Variants in SGMS1 observed in about 807,000 individuals in gnomAD.
SGMS1 encodes the protein sphingomyelin synthase 1.
A neutral mutation model predicts 46.2 loss-of-function variants in SGMS1; 13 were observed. The observed-to-expected ratio is 0.28, with a 90% CI of 0.18 to 0.45. The LOEUF (loss-of-function observed/expected upper bound fraction) is 0.45. Among genes scored for constraint, SGMS1 ranks in the 20% least tolerant of loss-of-function variants. The pLI is 1.00. For missense variants in SGMS1, 324 were observed against 519.9 expected (o/e 0.62, Z 3.66); for synonymous variants, 203 against 187.8 (o/e 1.08, Z -0.66).
At chr10:50,580,424 A>ACCCC (rs113101457) in intron 2 of SGMS1, among the ~76,000 whole-genome samples, 124 of 148,078 alleles carry the variant, frequency 8.4e-4, no homozygotes, top group African/African-American at 3.0e-3. Flanking sequence ...CAAGTTAGGG[A>ACCCC]CCCCCCCCCA....
chr10:50,438,256 A>G (rs1203406), intron 5 of SGMS1, among the ~76,000 whole-genome samples: 79,982 of 152,052 alleles, frequency 0.53, 21,499 homozygotes, highest in Non-Finnish European at 0.59. Context: ...AGCCAATAGA[A>G]TAAGGCAAAA....
chr10:50,543,316 T>A (rs1838072437), intron 2 of SGMS1, among the ~76,000 whole-genome samples: 1 of 152,174 alleles, frequency 6.6e-6, no homozygotes. Context: ...GCAGGGCACT[T>A]TAACACATCC....
chr10:50,438,834 T>C (rs1170696378), intron 5 of SGMS1, among the ~76,000 whole-genome samples: 1 of 152,144 alleles, frequency 6.6e-6, no homozygotes, highest in Non-Finnish European at 1.5e-5. Flanking sequence ...CCCTTAACAC[T>C]CCATCCTATT....
At chr10:50,322,925 A>G (rs1053226814) in intron 8 of SGMS1, among the ~76,000 whole-genome samples, 3 of 151,910 alleles carry the variant, frequency 2.0e-5, no homozygotes, top group Non-Finnish European at 4.4e-5. Flanking sequence ...TGAGAGTAAC[A>G]TGGGCTAATC....
intron 1 of SGMS1, among the ~76,000 whole-genome samples, chr10:50,621,394 C>T (rs13376734): frequency 0.25 from 37,754 of 152,000 alleles, 5,596 homozygotes; most frequent in African/African-American, 0.4. Context: ...TCATGTCTTA[C>T]GAAAACATAA....
chr10:50,356,793 C>T (rs1848156996), intron 6 of SGMS1, among the ~76,000 whole-genome samples: 1 of 152,008 alleles, frequency 6.6e-6, no homozygotes. Context: ...CTGGAACCAT[C>T]ATTCTCAGCA....
chr10:50,592,613 C>G (rs1435055364), intron 1 of SGMS1, among the ~76,000 whole-genome samples: 1 of 152,164 alleles, frequency 6.6e-6, no homozygotes, highest in African/African-American at 2.4e-5. Flanking sequence ...CACCACAGAT[C>G]CCGGCGCAAG....
At chr10:50,616,598 G>A (rs1297243745) in intron 1 of SGMS1, among the ~76,000 whole-genome samples, 1 of 152,130 alleles carries the variant, frequency 6.6e-6, no homozygotes, top group African/African-American at 2.4e-5. Context: ...CCAGTTTGAG[G>A]AAAGAGGAAC....
chr10:50,336,205 A>C (rs935215024), intron 7 of SGMS1: 22 of 152,318 alleles, frequency 1.4e-4, no homozygotes, highest in African/African-American at 5.3e-4. Flanking sequence ...ATCTGGGAAG[A>C]GAAGGGTCAG....
intron 3 of SGMS1, among the ~76,000 whole-genome samples, chr10:50,476,813 T>C (rs565009289): frequency 2.6e-5 from 4 of 152,312 alleles, no homozygotes; most frequent in East Asian, 1.9e-4. Context: ...AAGGCTTCCA[T>C]GTGGTGTTAA....
chr10:50,353,311 C>T (rs1379944450), intron 6 of SGMS1, among the ~76,000 whole-genome samples: 2 of 152,296 alleles, frequency 1.3e-5, no homozygotes, highest in Non-Finnish European at 2.9e-5. Context: ...CGTAATCCAG[C>T]ATATAAACAG....
chr10:50,562,370 AC>A (rs1564432680), intron 2 of SGMS1, among the ~76,000 whole-genome samples: 2 of 147,152 alleles, frequency 1.4e-5, no homozygotes, highest in Non-Finnish European at 3.1e-5. Flanking sequence ...GCGCGCACAC[AC>A]ACACACTCAC....
At chr10:50,510,015 T>A (rs533663527) in intron 3 of SGMS1, among the ~76,000 whole-genome samples, 84 of 152,226 alleles carry the variant, frequency 5.5e-4, no homozygotes, top group African/African-American at 1.9e-3. Context: ...TATAGAACAT[T>A]TCATTTATCT....
At chr10:50,351,743 A>G (rs549243147) in intron 6 of SGMS1, among the ~76,000 whole-genome samples, 1 of 152,314 alleles carries the variant, frequency 6.6e-6, no homozygotes, top group East Asian at 1.9e-4. Context: ...TGGAACTGTA[A>G]GTCCAATTAA....
chr10:50,442,183 G>GT (rs1422703351), intron 5 of SGMS1, among the ~76,000 whole-genome samples: 2 of 107,248 alleles, frequency 1.9e-5, no homozygotes, highest in African/African-American at 6.9e-5. Context: ...TTCTGCTGTA[G>GT]ATTTTTTTTT....
At chr10:50,402,014 T>C (rs1848947159) in intron 6 of SGMS1, among the ~76,000 whole-genome samples, 2 of 152,252 alleles carry the variant, frequency 1.3e-5, no homozygotes. Context: ...TTGTGAGCTT[T>C]CTGTTGACAT....
intron 6 of SGMS1, among the ~76,000 whole-genome samples, chr10:50,366,394 G>C (rs2133430122): frequency 6.6e-6 from 1 of 152,300 alleles, no homozygotes; most frequent in African/African-American, 2.4e-5. Context: ...ACAGTGTGGT[G>C]ATTCCTCAAG....
chr10:50,488,202 C>T (rs182519056), intron 3 of SGMS1, among the ~76,000 whole-genome samples: 11 of 151,864 alleles, frequency 7.2e-5, no homozygotes, highest in Admixed American at 6.6e-5. Flanking sequence ...TTGGTAGAGA[C>T]GGGTTTTCAT....
At chr10:50,502,073 G>C (rs957224836) in intron 3 of SGMS1, among the ~76,000 whole-genome samples, 25 of 151,906 alleles carry the variant, frequency 1.6e-4, no homozygotes, top group African/African-American at 5.1e-4. Context: ...AAATATGTGG[G>C]GTTGGCCTTG....
Sources: gnomAD v4.1 joint callset for allele counts (sites outside exome capture counted in the v4.1 genomes callset) on GRCh38, gnomAD v4.1.1 for gene constraint, MANE v1.5 for transcripts, NCBI Gene and HGNC (gene_info 2026-07-23, HGNC 2026-07-21) for gene names.